Variants in TRPM3 observed in about 807,000 individuals in gnomAD.
TRPM3 encodes long transient receptor potential channel 3.
TRPM3 carries 77 observed loss-of-function variants against 181.2 expected under a neutral mutation model. The ratio of observed to expected loss-of-function variants is 0.42; its 90% confidence interval spans 0.35 to 0.51. TRPM3 has a LOEUF of 0.51. Among genes scored for constraint, TRPM3 ranks in the 20% least tolerant of loss-of-function variants. TRPM3 has a pLI of 0.01. For synonymous variants in TRPM3, 745 were observed against 796.4 expected, an observed-to-expected ratio of 0.94 and a Z score of 1.09; for missense variants, 1,759 against 2,196.7, an observed-to-expected ratio of 0.80 and a Z score of 3.98.
Position 70,827,928 on chromosome 9 carries a change from C to T in TRPM3, c.892G>A (p.Gly298Arg). The T allele has an allele frequency of 1.2e-6, 2 of 1,614,078 alleles. No individual in the cohort carries two copies. Among genetic ancestry groups the T allele is most frequent in the Non-Finnish European group, 1.7e-6 (2 of 1,179,988 alleles). Reference protein sequence around the residue: ...MHSHFILADNGTTGKYGAEVK... With the variant: ...MHSHFILADNRTTGKYGAEVK... Reference sequence around the variant, plus strand: ...TCTGCTCCATATTTTCCAGTGGTCCCGTTGTCAGCCAGAATGAAGTGGGAA... The same window carrying T: ...TCTGCTCCATATTTTCCAGTGGTCCTGTTGTCAGCCAGAATGAAGTGGGAA... Residue 298 changes from glycine (G) to arginine (R), a missense_variant, in exon 6 of 26, where the codon GGG becomes AGG. Physicochemically the swap from Gly to Arg is moderately radical, Grantham distance 125 (BLOSUM62 -2). Around this residue, in one of 8 missense-constraint regions of TRPM3, gnomAD observed 737 missense variants for 957.4 expected, o/e 0.77. Transcript: ENST00000677713.
chr9:71,199,276 A>G (rs911380013), intron 1 of TRPM3, among the ~76,000 whole-genome samples: 16 of 151,980 alleles, frequency 1.1e-4, no homozygotes, highest in Non-Finnish European at 1.9e-4. Flanking sequence ...TCAGTTTGCC[A>G]GTATTTTATT....
At chr9:70,789,395 A>G (rs1384795893) in intron 6 of TRPM3, among the ~76,000 whole-genome samples, 2 of 152,216 alleles carry the variant, frequency 1.3e-5, no homozygotes, top group East Asian at 3.8e-4. Flanking sequence ...CTGGTCATTC[A>G]TTGAAAACAA....
chr9:70,639,054 C>T lies in TRPM3; in HGVS notation c.1581+6G>A, dbSNP rs749109724. 2 of 1,611,770 alleles carry T rather than the reference C, an allele frequency of 1.2e-6. No individual in the cohort carries two copies. Among genetic ancestry groups the T allele is most frequent in the East Asian group, 4.5e-5 (2 of 44,874 alleles). ...GAAAATAAAAAGTGCCTTAGTTTGG[C>T]CCTACCGTATTGTACAATTCCTCTA... On this transcript the variant is annotated splice_donor_region_variant and intron_variant, in intron 11 of 25. Transcript: ENST00000677713.
intron 1 of TRPM3, among the ~76,000 whole-genome samples, chr9:70,875,322 C>G (rs917537835): frequency 6.6e-6 from 1 of 151,774 alleles, no homozygotes; most frequent in African/African-American, 2.4e-5. Context: ...ATATATAGGG[C>G]CTTTTTTGAA....
intron 1 of TRPM3, among the ~76,000 whole-genome samples, chr9:71,441,220 A>AAAT (rs2094131801): frequency 6.6e-6 from 1 of 151,282 alleles, no homozygotes; most frequent in Non-Finnish European, 1.5e-5. Context: ...CATTATCAGA[A>AAAT]AATGGTCTTT....
chr9:70,871,675 T>C (rs1177168743), intron 1 of TRPM3, among the ~76,000 whole-genome samples: 2 of 152,022 alleles, frequency 1.3e-5, no homozygotes, highest in East Asian at 3.9e-4. Context: ...ACACTGTCCA[T>C]ATAGATCTGC....
intron 1 of TRPM3, among the ~76,000 whole-genome samples, chr9:70,974,911 A>G (rs1446152851): frequency 1.6e-5 from 2 of 127,146 alleles, no homozygotes; most frequent in African/African-American, 6.0e-5. Context: ...TGTCACGCCC[A>G]GGCTGGAGTG....
intron 1 of TRPM3, among the ~76,000 whole-genome samples, chr9:71,359,030 T>C (rs1198010798): frequency 2.0e-5 from 3 of 152,234 alleles, no homozygotes; most frequent in Admixed American, 1.3e-4. Context: ...TTTGATGATA[T>C]AGTGCCTCAC....
At chr9:71,289,157 G>A (rs2085557980) in intron 1 of TRPM3, among the ~76,000 whole-genome samples, 1 of 144,032 alleles carries the variant, frequency 6.9e-6, no homozygotes, top group Non-Finnish European at 1.5e-5. Context: ...TAACAAAACA[G>A]TGAGAGAGAG....
At chr9:70,594,916 A>G (rs973904218) in intron 21 of TRPM3, among the ~76,000 whole-genome samples, 10 of 152,196 alleles carry the variant, frequency 6.6e-5, no homozygotes, top group African/African-American at 1.7e-4. Context: ...GGCATATTTT[A>G]TCTGCCTTCT....
chr9:70,961,876 T>A (rs970381665), intron 1 of TRPM3, among the ~76,000 whole-genome samples: 16 of 152,130 alleles, frequency 1.1e-4, no homozygotes, highest in African/African-American at 3.6e-4. Context: ...TCAAGTAGAC[T>A]CTCTTTTTAA....
intron 1 of TRPM3, among the ~76,000 whole-genome samples, chr9:71,193,553 C>T (rs2078160448): frequency 6.6e-6 from 1 of 151,874 alleles, no homozygotes; most frequent in African/African-American, 2.4e-5. Flanking sequence ...TGCTAACTCC[C>T]TTTATATCTC....
rs977598232 is a variant in TRPM3 at position 71,046,090 on chromosome 9, C to T, written c.177+75088G>A. ...TTGGCTTGAATCCACCTCCCAGATT[C>T]AAGCAATTCTCTGCCTCAGCCTCCC... On this transcript the variant is annotated intron_variant, in intron 1 of 25. Coordinates refer to ENST00000677713, the MANE Select transcript of TRPM3 (RefSeq NM_001366145.2). 2.0e-5 allele frequency among the ~76,000 whole-genome samples: 3 copies of T among 151,632 alleles called. No homozygotes were observed. The South Asian group carries it at 6.3e-4, about 32-fold the overall frequency.
intron 1 of TRPM3, among the ~76,000 whole-genome samples, chr9:70,894,770 T>C (rs1210515365): frequency 6.6e-6 from 1 of 152,204 alleles, no homozygotes; most frequent in African/African-American, 2.4e-5. Context: ...ACGTAAAGTT[T>C]AGTAGTATCA....
intron 11 of TRPM3, among the ~76,000 whole-genome samples, chr9:70,637,512 C>A (rs926351689): frequency 1.1e-4 from 17 of 151,802 alleles, no homozygotes; most frequent in Non-Finnish European, 2.2e-4. Context: ...ATTGATAGAC[C>A]ATTCAATGCT....
chr9:70,758,442 G>A, intron 8 of TRPM3, among the ~76,000 whole-genome samples: 1 of 152,112 alleles, frequency 6.6e-6, no homozygotes, highest in East Asian at 1.9e-4. Context: ...TCCCCATCAA[G>A]CTACCATTGA....
At chr9:70,915,894 C>T (rs2096589495) in intron 1 of TRPM3, among the ~76,000 whole-genome samples, 1 of 152,040 alleles carries the variant, frequency 6.6e-6, no homozygotes, top group East Asian at 1.9e-4. Context: ...AAGAAGGTTA[C>T]AGAACACCAA....
chr9:70,634,526 CTAT>C (rs1376029391), intron 12 of TRPM3, among the ~76,000 whole-genome samples: 5 of 152,154 alleles, frequency 3.3e-5, no homozygotes, highest in African/African-American at 1.2e-4. Context: ...TAGCTCATGA[CTAT>C]TATTATTTTA....
chr9:71,009,920 A>C (rs1354575046), intron 1 of TRPM3, among the ~76,000 whole-genome samples: 4 of 152,302 alleles, frequency 2.6e-5, no homozygotes, highest in African/African-American at 9.6e-5. Flanking sequence ...ACCGAGAAAT[A>C]AATTCATGCA....
Sources: allele counts gnomAD v4.1 joint callset (sites outside exome capture counted in the v4.1 genomes callset), GRCh38; gene constraint gnomAD v4.1.1; regional missense constraint gnomAD v4.1.1; transcripts MANE v1.5; gene names NCBI Gene and HGNC (gene_info 2026-07-23, HGNC 2026-07-21).